The following GNA14 variants were observed in gnomAD, a reference collection of about 807,000 sequenced individuals.
GNA14 encodes the protein G protein subunit alpha 14.
A neutral mutation model predicts 42.0 loss-of-function variants in GNA14; 50 were observed. The observed-to-expected ratio is 1.19, with a 90% CI of 0.95 to 1.51. The LOEUF (loss-of-function observed/expected upper bound fraction) is 1.51, where lower values mean the gene tolerates loss of function less well. Among genes scored for constraint, GNA14 ranks in the 40% most tolerant of loss-of-function variants. The probability of loss-of-function intolerance (pLI) is 0.00; values close to 1 mark genes in which losing one functional copy is unlikely to be tolerated. For missense variants in GNA14, 473 were observed against 446.2 expected, an observed-to-expected ratio of 1.06 and a Z score of -0.54; for synonymous variants, 173 against 163.1, an observed-to-expected ratio of 1.06 and a Z score of -0.46.
chr9:77,642,486 C>T (rs146145940), intron 1 of GNA14, among the ~76,000 whole-genome samples: 4 of 152,142 alleles, frequency 2.6e-5, no homozygotes, highest in African/African-American at 9.7e-5. Context: ...AAAACACAGG[C>T]CAGGTACGGT....
chr9:77,646,669 A>G (rs2118049311), intron 1 of GNA14, among the ~76,000 whole-genome samples: 1 of 152,362 alleles, frequency 6.6e-6, no homozygotes, highest in South Asian at 2.1e-4. Flanking sequence ...AAAAGGGGTG[A>G]AAGAAAAAAA....
chr9:77,470,669 C>T (rs1836315054), intron 2 of GNA14, among the ~76,000 whole-genome samples: 1 of 152,098 alleles, frequency 6.6e-6, no homozygotes, highest in African/African-American at 2.4e-5. Flanking sequence ...TCACTGTTCT[C>T]ACATAACTAT....
At chr9:77,472,256 A>C (rs1836345115) in intron 2 of GNA14, among the ~76,000 whole-genome samples, 1 of 152,162 alleles carries the variant, frequency 6.6e-6, no homozygotes, top group Non-Finnish European at 1.5e-5. Flanking sequence ...AAGATGTTTT[A>C]ACATGTCATC....
At chr9:77,620,184 A>T (rs547198476) in intron 1 of GNA14, among the ~76,000 whole-genome samples, 1 of 152,280 alleles carries the variant, frequency 6.6e-6, no homozygotes, top group East Asian at 1.9e-4. Context: ...GTTAACACGG[A>T]AACTCAGGGC....
rs77738020 is a variant in GNA14 at position 77,425,300 on chromosome 9, T to C, written c.877+262A>G. On this transcript the variant is annotated intron_variant, in intron 6 of 6. Coordinates refer to ENST00000341700, the MANE Select transcript of GNA14 (RefSeq NM_004297.4). ...AGGCTCCCAGAGAAGGGGAGGCCTTTGCTGGGTTTTGGAGAACAACATGGA... is the reference window on the plus strand; with the variant it reads ...AGGCTCCCAGAGAAGGGGAGGCCTTCGCTGGGTTTTGGAGAACAACATGGA... Among the ~76,000 whole-genome samples the C allele has an allele frequency of 4.7e-3, 717 of 152,280 alleles. 3 individuals are homozygous for C. Among genetic ancestry groups the C allele is most frequent in the African/African-American group, 0.016 (678 of 41,578 alleles).
chr9:77,510,250 T>C (rs944078177), intron 2 of GNA14, among the ~76,000 whole-genome samples: 16 of 151,712 alleles, frequency 1.1e-4, no homozygotes, highest in African/African-American at 3.4e-4. Context: ...GCTTCTTTCA[T>C]TTAACACAGG....
Position 77,423,356 on chromosome 9 carries a change from G to A in GNA14, c.*623C>T, listed in dbSNP as rs1835403534. 6.6e-6 allele frequency: 1 copy of A among 151,950 alleles called. No homozygotes were observed. The highest frequency in any genetic ancestry group is 2.4e-5 in the African/African-American group (1 of 41,368). 9.4% of individuals were successfully genotyped at this position (151,950 alleles called of 1,614,324 possible). Reference sequence around the variant, plus strand: ...ACTCTATGTCAGCTTTGGCTTCTTGGTGATCAAACTGTGGCAAAGCTAAAT... The same window carrying A: ...ACTCTATGTCAGCTTTGGCTTCTTGATGATCAAACTGTGGCAAAGCTAAAT... On this transcript the variant is annotated 3_prime_UTR_variant, in exon 7 of 7. Transcript: ENST00000341700.
At chr9:77,517,291 C>T (rs1464563121) in intron 2 of GNA14, among the ~76,000 whole-genome samples, 1 of 146,482 alleles carries the variant, frequency 6.8e-6, no homozygotes, top group Non-Finnish European at 1.5e-5. Flanking sequence ...AGGGGCCGCT[C>T]ATTCATTCAT....
Position 77,503,132 on chromosome 9 carries a change from T to A in GNA14, c.309+25937A>T, listed in dbSNP as rs182583540. Among the ~76,000 whole-genome samples, 324 of 152,308 alleles carry A rather than the reference T, an allele frequency of 2.1e-3. 3 individuals are homozygous for A. Among genetic ancestry groups the A allele is most frequent in the Admixed American group, 0.018 (281 of 15,300 alleles). Reference sequence around the variant, plus strand: ...GTGTTTTAAATATAATGTCAAGGATTTTTAGTTGTACTTAGCAGAAGGAAT... The same window carrying A: ...GTGTTTTAAATATAATGTCAAGGATATTTAGTTGTACTTAGCAGAAGGAAT... On this transcript the variant is annotated intron_variant, in intron 2 of 6. Transcript: ENST00000341700.
At chr9:77,541,279 C>A (rs1426348789) in intron 1 of GNA14, among the ~76,000 whole-genome samples, 2 of 152,070 alleles carry the variant, frequency 1.3e-5, no homozygotes, top group African/African-American at 2.4e-5. Flanking sequence ...TTTATTTTTT[C>A]TTTATTTATG....
intron 1 of GNA14, among the ~76,000 whole-genome samples, chr9:77,562,663 C>CA (rs1430403047): frequency 6.6e-6 from 1 of 152,072 alleles, no homozygotes; most frequent in Non-Finnish European, 1.5e-5. Flanking sequence ...AAATTTACAA[C>CA]AAAAAAATTA....
chr9:77,488,496 A>C (rs1836698373), intron 2 of GNA14, among the ~76,000 whole-genome samples: 1 of 152,152 alleles, frequency 6.6e-6, no homozygotes, highest in Non-Finnish European at 1.5e-5. Flanking sequence ...TCTGCTCTGT[A>C]ACTCAGCCAA....
chr9:77,619,604 CA>C (rs1262505989), intron 1 of GNA14, among the ~76,000 whole-genome samples: 1 of 152,166 alleles, frequency 6.6e-6, no homozygotes, highest in Non-Finnish European at 1.5e-5. Flanking sequence ...CAGCTCATTT[CA>C]TCTTTCTTTA....
chr9:77,559,559 C>A (rs1237227418), intron 1 of GNA14, among the ~76,000 whole-genome samples: 1 of 152,164 alleles, frequency 6.6e-6, no homozygotes, highest in Non-Finnish European at 1.5e-5. Flanking sequence ...GTGCATGTCA[C>A]AGAGTGATGG....
At chr9:77,429,166 C>T (rs1414872000) in intron 4 of GNA14, 130 bp from the exon 5 acceptor site, 8 of 847,162 alleles carry the variant, frequency 9.4e-6, no homozygotes, top group Non-Finnish European at 1.5e-5. Flanking sequence ...AAAAGAGGTT[C>T]TAAGTTTTAA....
rs148161375 is a variant in GNA14 at position 77,572,549 on chromosome 9, C to G, written c.125-43296G>C. Among the ~76,000 whole-genome samples the G allele has an allele frequency of 1.5e-3, 234 of 152,294 alleles. 1 individual carries two copies. The highest frequency in any genetic ancestry group is 5.1e-3 in the African/African-American group (211 of 41,568). On this transcript the variant is annotated intron_variant, in intron 1 of 6. Coordinates refer to ENST00000341700, the MANE Select transcript of GNA14 (RefSeq NM_004297.4). ...TTGTTTCAATGTGTAATAAACTGATCTGTGACCTGTGATCCAGTTTTTAAA... is the reference window on the plus strand; with the variant it reads ...TTGTTTCAATGTGTAATAAACTGATGTGTGACCTGTGATCCAGTTTTTAAA...
At chr9:77,609,821 T>C (rs1007548372) in intron 1 of GNA14, among the ~76,000 whole-genome samples, 6 of 152,190 alleles carry the variant, frequency 3.9e-5, no homozygotes, top group Non-Finnish European at 5.9e-5. Context: ...AGAATCAAAG[T>C]CTCTCTCTGA....
chr9:77,615,700 A>AATAC (rs1823801193), intron 1 of GNA14, among the ~76,000 whole-genome samples: 1 of 106,450 alleles, frequency 9.4e-6, no homozygotes, highest in Non-Finnish European at 1.9e-5. Context: ...TTGAAAATGA[A>AATAC]ATACACACAC....
At chr9:77,548,780 C>CA (rs1380903410) in intron 1 of GNA14, among the ~76,000 whole-genome samples, 4 of 152,190 alleles carry the variant, frequency 2.6e-5, no homozygotes, top group Non-Finnish European at 4.4e-5. Context: ...AGTAAATGTG[C>CA]ATAAACGATC....
Sources: allele counts gnomAD v4.1 joint callset (sites outside exome capture counted in the v4.1 genomes callset), GRCh38; gene constraint gnomAD v4.1.1; transcripts MANE v1.5; gene names NCBI Gene and HGNC (gene_info 2026-07-23, HGNC 2026-07-21).